Variants in PTPRK observed in about 807,000 individuals in gnomAD.
The protein encoded by PTPRK is protein tyrosine phosphatase receptor type K, also known as receptor-type tyrosine-protein phosphatase kappa.
A neutral mutation model predicts 178.0 loss-of-function variants in PTPRK; 75 were observed. The ratio of observed to expected loss-of-function variants is 0.42; its 90% CI spans 0.35 to 0.51. PTPRK has a LOEUF of 0.51. Ranked by LOEUF, PTPRK falls within the 20% of genes least tolerant of loss-of-function variation. The pLI is 0.02. For synonymous variants in PTPRK, 637 were observed against 620.6 expected, an observed-to-expected ratio of 1.03 and a Z score of -0.39; for missense variants, 1,441 against 1,797.8, an observed-to-expected ratio of 0.80 and a Z score of 3.59.
chr6:128,182,457 C>T (rs1802066479), intron 7 of PTPRK, among the ~76,000 whole-genome samples: 1 of 151,944 alleles, frequency 6.6e-6, no homozygotes, highest in Non-Finnish European at 1.5e-5. Context: ...GCCTGTAATC[C>T]CAGCTACTCG....
intron 7 of PTPRK, among the ~76,000 whole-genome samples, chr6:128,179,931 T>A (rs536398946): frequency 1.2e-4 from 19 of 152,124 alleles, no homozygotes; most frequent in Admixed American, 3.3e-4. Context: ...AATAAGACAC[T>A]CTCCTTTTCA....
In PTPRK at chr6:128,308,396, C is replaced by T. The variant is rs1342356902; in HGVS notation, c.495+13643G>A. Among the ~76,000 whole-genome samples, 3 of 151,158 alleles carry T rather than the reference C, an allele frequency of 2.0e-5. No individual in the cohort carries two copies. The East Asian group carries it at 5.8e-4, about 29-fold the overall frequency. On this transcript the variant is annotated intron_variant, in intron 3 of 29. Transcript: ENST00000368226. ...TTATTATTTATATTTCCTGATTAGTCATGTATAAAATATTTCACCAAAAAT... is the reference window on the plus strand; with the variant it reads ...TTATTATTTATATTTCCTGATTAGTTATGTATAAAATATTTCACCAAAAAT...
chr6:128,465,587 T>C (rs1849744522), intron 1 of PTPRK, among the ~76,000 whole-genome samples: 1 of 152,210 alleles, frequency 6.6e-6, no homozygotes. Context: ...CAGGGCTGAC[T>C]TTATCACTTG....
At chr6:128,377,961 C>A (rs1837339111) in intron 2 of PTPRK, among the ~76,000 whole-genome samples, 1 of 152,060 alleles carries the variant, frequency 6.6e-6, no homozygotes, top group Admixed American at 6.6e-5. Flanking sequence ...GCACATGTTT[C>A]TTTGCTCTGC....
intron 7 of PTPRK, among the ~76,000 whole-genome samples, chr6:128,175,997 ATGC>A (rs1259642330): frequency 6.6e-6 from 1 of 151,826 alleles, no homozygotes; most frequent in African/African-American, 2.4e-5. Flanking sequence ...ATGCACACAC[ATGC>A]ATGAAATGCA....
chr6:128,468,010 C>T (rs547317285), intron 1 of PTPRK, among the ~76,000 whole-genome samples: 3 of 152,326 alleles, frequency 2.0e-5, no homozygotes, highest in Middle Eastern at 3.4e-3. Context: ...ATATATCCAA[C>T]TACCTAATTG....
At chr6:128,080,999 G>C (rs1034468599) in intron 10 of PTPRK, among the ~76,000 whole-genome samples, 11 of 151,762 alleles carry the variant, frequency 7.2e-5, no homozygotes, top group African/African-American at 2.4e-4. Flanking sequence ...CACAGTATCT[G>C]AGCCTTGAGA....
At chr6:128,458,803 A>G (rs370551571) in intron 1 of PTPRK, among the ~76,000 whole-genome samples, 1 of 152,314 alleles carries the variant, frequency 6.6e-6, no homozygotes, top group African/African-American at 2.4e-5. Flanking sequence ...AGCATTTTTC[A>G]GTGTATTTGT....
At chr6:128,083,688 C>A in intron 9 of PTPRK, 27 bp downstream of exon 9, 1 of 1,421,600 alleles carries the variant, frequency 7.0e-7, no homozygotes, top group Non-Finnish European at 9.7e-7. Context: ...ATCCACATTT[C>A]AATTAACTTC....
chr6:128,402,085 T>G (rs950134218), intron 1 of PTPRK, among the ~76,000 whole-genome samples: 2 of 152,176 alleles, frequency 1.3e-5, no homozygotes, highest in Admixed American at 6.5e-5. Flanking sequence ...TTTGTTGATA[T>G]GATCTACAAA....
chr6:128,354,999 T>C (rs193070532), intron 2 of PTPRK, among the ~76,000 whole-genome samples: 17 of 152,334 alleles, frequency 1.1e-4, no homozygotes, highest in Admixed American at 1.0e-3. Flanking sequence ...ACTCAACTAG[T>C]AAAAGTTTTA....
chr6:128,510,955 C>T (rs537841548), intron 1 of PTPRK, among the ~76,000 whole-genome samples: 10 of 151,992 alleles, frequency 6.6e-5, no homozygotes, highest in Non-Finnish European at 1.3e-4. Context: ...GTTCTTCCTA[C>T]CTGTATGACT....
intron 5 of PTPRK, among the ~76,000 whole-genome samples, chr6:128,237,515 A>G (rs1015870802): frequency 3.9e-5 from 6 of 152,222 alleles, no homozygotes; most frequent in Non-Finnish European, 8.8e-5. Flanking sequence ...TATCAAGGCC[A>G]TGTTTCAAGC....
intron 1 of PTPRK, among the ~76,000 whole-genome samples, chr6:128,452,089 C>T (rs9654634): frequency 4.2e-4 from 64 of 152,264 alleles, no homozygotes; most frequent in African/African-American, 1.5e-3. Flanking sequence ...ATTTGAGGAC[C>T]GGCCACATGG....
intron 1 of PTPRK, among the ~76,000 whole-genome samples, chr6:128,492,144 T>C (rs180986330): frequency 8.9e-4 from 135 of 152,218 alleles, no homozygotes; most frequent in African/African-American, 3.1e-3. Context: ...TTACAGAATC[T>C]TCAAAGATAC....
chr6:128,447,175 C>A (rs1447349536), intron 1 of PTPRK, among the ~76,000 whole-genome samples: 1 of 152,186 alleles, frequency 6.6e-6, no homozygotes, highest in Non-Finnish European at 1.5e-5. Flanking sequence ...TTTGAATAAG[C>A]AAGCTGTTAT....
At chr6:128,033,471 T>A (rs1775688227) in intron 13 of PTPRK, among the ~76,000 whole-genome samples, 1 of 152,250 alleles carries the variant, frequency 6.6e-6, no homozygotes, top group Non-Finnish European at 1.5e-5. Flanking sequence ...ATATGTCTGC[T>A]ATTATTGCAT....
In PTPRK at chr6:127,990,889, A is replaced by C; in HGVS notation, c.2980-4T>G. 1 of 1,534,598 alleles carries C rather than the reference A, an allele frequency of 6.5e-7. No individual in the cohort carries two copies. The highest frequency in any genetic ancestry group is 9.0e-7 in the Non-Finnish European group (1 of 1,108,492). ...GCCAATATTTATAGCATTTAACCTA[A>C]GTGACAAAAAGAATATATAGACAGA... is the stretch of plus-strand genomic sequence containing the variant. On this transcript the variant is annotated splice_region_variant and splice_polypyrimidine_tract_variant and intron_variant, in intron 20 of 29. Transcript: ENST00000368226.
At chr6:128,183,073 T>C (rs1802196440) in intron 7 of PTPRK, among the ~76,000 whole-genome samples, 1 of 152,192 alleles carries the variant, frequency 6.6e-6, no homozygotes, top group Admixed American at 6.5e-5. Context: ...TTAGAAAACA[T>C]GTATGCAGTA....
Sources: allele counts gnomAD v4.1 joint callset (sites outside exome capture counted in the v4.1 genomes callset), GRCh38; gene constraint gnomAD v4.1.1; transcripts MANE v1.5; gene names NCBI Gene and HGNC (gene_info 2026-07-23, HGNC 2026-07-21).